The following PAPPA2 variants were observed in gnomAD, a reference collection of about 807,000 sequenced individuals.
The protein encoded by PAPPA2 is pappalysin-2.
Under a neutral mutation model 176.4 loss-of-function variants are expected in PAPPA2, and 86 were observed. That is an observed-to-expected ratio of 0.49 (90% confidence interval 0.41 to 0.58). PAPPA2 has a LOEUF of 0.58. PAPPA2 is among the 20% of genes least tolerant of loss of function. The pLI, the probability that PAPPA2 is intolerant of heterozygous loss-of-function variation, is 0.00. For missense variants in PAPPA2, 2,073 were observed against 2,256.9 expected (o/e 0.92, Z 1.65); for synonymous variants, 809 against 852.2 (o/e 0.95, Z 0.88).
chr1:176,606,001 A>G (rs1229791268), intron 3 of PAPPA2, among the ~76,000 whole-genome samples: 2 of 152,078 alleles, frequency 1.3e-5, no homozygotes, highest in East Asian at 3.9e-4. Context: ...TTAGATTTCA[A>G]ACTCAAATAT....
intron 17 of PAPPA2, among the ~76,000 whole-genome samples, chr1:176,780,119 T>C (rs916361859): frequency 6.6e-6 from 1 of 152,178 alleles, no homozygotes; most frequent in Non-Finnish European, 1.5e-5. Context: ...TGCAAATAAC[T>C]TTGCTTTCTC....
At chr1:176,649,955 A>T (rs1657621130) in intron 3 of PAPPA2, among the ~76,000 whole-genome samples, 2 of 151,536 alleles carry the variant, frequency 1.3e-5, no homozygotes, top group South Asian at 4.2e-4. Flanking sequence ...TTCTTTGTTG[A>T]TTTTCTGTCT....
chr1:176,744,402 C>G (rs1662814267), intron 14 of PAPPA2, among the ~76,000 whole-genome samples: 1 of 152,278 alleles, frequency 6.6e-6, no homozygotes. Flanking sequence ...TTGCCATGTC[C>G]AACTACTCCA....
At chr1:176,808,974 A>G (rs1284923283) in intron 21 of PAPPA2, among the ~76,000 whole-genome samples, 1 of 152,192 alleles carries the variant, frequency 6.6e-6, no homozygotes, top group African/African-American at 2.4e-5. Flanking sequence ...TAAAATACTC[A>G]ATGAACTATT....
At chr1:176,628,694 G>A (rs1265444733) in intron 3 of PAPPA2, among the ~76,000 whole-genome samples, 3 of 152,140 alleles carry the variant, frequency 2.0e-5, no homozygotes, top group Non-Finnish European at 4.4e-5. Flanking sequence ...ATGATGAACT[G>A]TGTGAGATGG....
At chr1:176,530,525 G>T (rs1649752001) in intron 1 of PAPPA2, among the ~76,000 whole-genome samples, 1 of 151,970 alleles carries the variant, frequency 6.6e-6, no homozygotes, top group African/African-American at 2.4e-5. Flanking sequence ...GGTAACTATT[G>T]TCCATTTTTA....
intron 14 of PAPPA2, among the ~76,000 whole-genome samples, chr1:176,754,480 T>C (rs1219131452): frequency 2.0e-5 from 3 of 152,272 alleles, no homozygotes; most frequent in Admixed American, 6.5e-5. Context: ...TATTCTCTTA[T>C]GGATTTTGAT....
rs1651225442 is a variant in PAPPA2, at chr1:176,555,491, C to T, written c.-832C>T. ...AACAGCAAACTGGCACCCCAAAGAA[C>T]TTTACGGAGACTTGCAACCTATCAA... On this transcript the variant is annotated 5_prime_UTR_variant, in exon 2 of 23. Transcript: ENST00000367662. 6.6e-6 allele frequency: 1 copy of T among 152,182 alleles called. No homozygotes were observed. The highest frequency in any genetic ancestry group is 2.4e-5 in the African/African-American group (1 of 41,420). 9.4% of individuals were successfully genotyped at this position (152,182 alleles called of 1,614,324 possible).
chr1:176,557,087 C>T lies in PAPPA2; in HGVS notation c.765C>T (p.Asn255=), dbSNP rs1558435559. 1 of 1,614,040 alleles carries T rather than the reference C, an allele frequency of 6.2e-7. No homozygotes were observed. The highest frequency in any genetic ancestry group is 8.5e-7 in the Non-Finnish European group (1 of 1,180,012). The stretch of plus-strand genomic sequence containing the variant: ...CCTACCGAGAAGCAGAGACCTTTAA[C>T]TCCCAAGTAGGACTGCCCATCTTAT... ...EGSYREAETF[N]SQVGLPILYF... Residue 255 remains asparagine, a synonymous_variant, in exon 2 of 23, where the codon AAC becomes AAT. Transcript: ENST00000367662.
intron 14 of PAPPA2, among the ~76,000 whole-genome samples, chr1:176,744,114 T>C (rs1427693184): frequency 6.6e-6 from 1 of 152,198 alleles, no homozygotes; most frequent in Admixed American, 6.6e-5. Context: ...CAGTTTTTGA[T>C]TTATATAATT....
intron 14 of PAPPA2, among the ~76,000 whole-genome samples, chr1:176,748,072 T>C (rs977955226): frequency 1.3e-5 from 2 of 152,228 alleles, no homozygotes; most frequent in Non-Finnish European, 2.9e-5. Flanking sequence ...AACTTTGTAT[T>C]CAATTGATTA....
intron 2 of PAPPA2, among the ~76,000 whole-genome samples, chr1:176,580,108 C>T (rs1652876034): frequency 6.6e-6 from 1 of 152,064 alleles, no homozygotes; most frequent in Non-Finnish European, 1.5e-5. Context: ...GAACTTATTC[C>T]TCCTACCTAG....
chr1:176,794,286 C>A (rs1425471228), intron 20 of PAPPA2, among the ~76,000 whole-genome samples: 1 of 152,148 alleles, frequency 6.6e-6, no homozygotes, highest in African/African-American at 2.4e-5. Context: ...GTCACTTACT[C>A]CTTGGAGCCT....
chr1:176,746,398 T>C (rs2102881360), intron 14 of PAPPA2, among the ~76,000 whole-genome samples: 1 of 152,254 alleles, frequency 6.6e-6, no homozygotes, highest in East Asian at 1.9e-4. Context: ...AATACTGTTT[T>C]TCTTTTTCTT....
At chr1:176,614,762 T>C (rs1273523854) in intron 3 of PAPPA2, among the ~76,000 whole-genome samples, 1 of 152,212 alleles carries the variant, frequency 6.6e-6, no homozygotes, top group Non-Finnish European at 1.5e-5. Context: ...CCCACAGTAC[T>C]ATAACCACAC....
chr1:176,822,534 T>C (rs112240503), intron 21 of PAPPA2, among the ~76,000 whole-genome samples: 1 of 152,194 alleles, frequency 6.6e-6, no homozygotes, highest in Non-Finnish European at 1.5e-5. Context: ...TACTCACAAG[T>C]CTTTTCAAGA....
At chr1:176,737,566 G>A (rs184921769) in intron 12 of PAPPA2, among the ~76,000 whole-genome samples, 1 of 152,064 alleles carries the variant, frequency 6.6e-6, no homozygotes, top group Non-Finnish European at 1.5e-5. Context: ...ACTTGTCTCT[G>A]TTTGCTTTGT....
At chr1:176,812,684 G>C (rs376010327) in intron 21 of PAPPA2, among the ~76,000 whole-genome samples, 7 of 151,930 alleles carry the variant, frequency 4.6e-5, no homozygotes, top group Non-Finnish European at 8.8e-5. Context: ...TAACATAGAT[G>C]TTCATTTAAG....
intron 12 of PAPPA2, among the ~76,000 whole-genome samples, chr1:176,715,439 T>C (rs1219939528): frequency 1.3e-5 from 2 of 152,152 alleles, no homozygotes; most frequent in Admixed American, 6.5e-5. Flanking sequence ...GAAATATCTC[T>C]ACAGACCCAA....
Sources: gnomAD v4.1 joint callset for allele counts (sites outside exome capture counted in the v4.1 genomes callset) on GRCh38, gnomAD v4.1.1 for gene constraint, MANE v1.5 for transcripts, NCBI Gene and HGNC (gene_info 2026-07-23, HGNC 2026-07-21) for gene names.